Variants in ITPKB observed in about 807,000 individuals in gnomAD.
ITPKB encodes IP3 3-kinase B.
Under a neutral mutation model 69.4 loss-of-function variants are expected in ITPKB, and 13 were observed. That is an observed-to-expected ratio of 0.19 (90% CI 0.12 to 0.30). The LOEUF is 0.30. Among genes scored for constraint, ITPKB ranks in the 10% least tolerant of loss-of-function variants. The pLI, the probability that ITPKB is intolerant of heterozygous loss-of-function variation, is 1.00. For synonymous variants in ITPKB, 584 were observed against 513.7 expected, an observed-to-expected ratio of 1.14 and a Z score of -1.85; for missense variants, 1,240 against 1,250.5, an observed-to-expected ratio of 0.99 and a Z score of 0.13.
chr1:226,677,083 T>C (rs565407359), intron 2 of ITPKB, among the ~76,000 whole-genome samples: 17 of 152,326 alleles, frequency 1.1e-4, no homozygotes, highest in South Asian at 4.1e-4. Context: ...CTGGAGCAAT[T>C]TGAAACGCCG....
chr1:226,653,189 G>C (rs1289308858), intron 2 of ITPKB, among the ~76,000 whole-genome samples: 1 of 152,180 alleles, frequency 6.6e-6, no homozygotes, highest in African/African-American at 2.4e-5. Context: ...GGCTCAGCAA[G>C]TTACTTCTCC....
intron 2 of ITPKB, among the ~76,000 whole-genome samples, chr1:226,731,814 C>T (rs1199229671): frequency 6.6e-6 from 1 of 152,086 alleles, no homozygotes; most frequent in Non-Finnish European, 1.5e-5. Context: ...GAAGGGTACC[C>T]CATCTTCAGA....
chr1:226,649,440 TGC>T (rs779885641), intron 2 of ITPKB, among the ~76,000 whole-genome samples: 7 of 134,922 alleles, frequency 5.2e-5, no homozygotes, highest in Non-Finnish European at 9.6e-5. Flanking sequence ...TGCGTATGTG[TGC>T]GTGTGTGTGC....
intron 2 of ITPKB, among the ~76,000 whole-genome samples, chr1:226,709,510 T>G (rs550493401): frequency 1.3e-4 from 20 of 152,262 alleles, no homozygotes; most frequent in Admixed American, 4.6e-4. Context: ...GTCACTGCGG[T>G]CCTGGGACAC....
Position 226,641,328 on chromosome 1 carries a change from C to A in ITPKB, c.2451+593G>T, listed in dbSNP as rs1668957159. Among the ~76,000 whole-genome samples the A allele has an allele frequency of 2.0e-5, 3 of 152,156 alleles. No individual in the cohort carries two copies. Among genetic ancestry groups the A allele is most frequent in the South Asian group, 4.2e-4 (2 of 4,810 alleles). The stretch of plus-strand genomic sequence containing the variant: ...AAAGGGATAGAAGGGAAAGAGCCAT[C>A]ATTTTGTAAACCACAAACACAAAGT... On this transcript the variant is annotated intron_variant, in intron 5 of 7. Coordinates refer to ENST00000429204, the MANE Select transcript of ITPKB (RefSeq NM_002221.4). The surrounding 1 kb of genome is among the most constrained non-coding windows in gnomAD (Gnocchi z 4.6).
intron 5 of ITPKB, among the ~76,000 whole-genome samples, chr1:226,640,490 C>T (rs1299282541): frequency 6.6e-6 from 1 of 152,124 alleles, no homozygotes; most frequent in Non-Finnish European, 1.5e-5. Context: ...GGGCTGTGGG[C>T]AGTGCACCCC....
intron 2 of ITPKB, among the ~76,000 whole-genome samples, chr1:226,721,479 A>G (rs1657241832): frequency 6.6e-6 from 1 of 151,650 alleles, no homozygotes; most frequent in Admixed American, 6.6e-5. Flanking sequence ...ACATCTGGTC[A>G]TGGGGTCATA....
At chr1:226,732,156 A>C (rs566507828) in intron 2 of ITPKB, among the ~76,000 whole-genome samples, 1 of 151,836 alleles carries the variant, frequency 6.6e-6, no homozygotes, top group South Asian at 2.1e-4. Context: ...CCTTTAAAAA[A>C]CAGTAAGCAC....
At chr1:226,636,937 T>C (rs1185125686) in intron 7 of ITPKB, among the ~76,000 whole-genome samples, 3 of 152,102 alleles carry the variant, frequency 2.0e-5, no homozygotes, top group African/African-American at 2.4e-5. Flanking sequence ...ATGTGATTGA[T>C]CTGCATGTGT....
intron 2 of ITPKB, among the ~76,000 whole-genome samples, chr1:226,716,021 G>GGCT (rs1657086344): frequency 6.6e-6 from 1 of 152,174 alleles, no homozygotes; most frequent in Admixed American, 6.5e-5. Context: ...AAGTTGGCCA[G>GGCT]GCTGGTCTCA....
rs556739001 is a variant in ITPKB, at chr1:226,714,982, G to A, written c.1932+20545C>T. On this transcript the variant is annotated intron_variant, in intron 2 of 7. Transcript: ENST00000429204. ...ACTGCTAAACATCCTACAGTACACA[G>A]AGCAGCCCCACACAACTGAAAAGTA... Among the ~76,000 whole-genome samples the A allele has an allele frequency of 5.3e-5, 8 of 152,362 alleles. No individual in the cohort carries two copies. In the South Asian group the frequency reaches 1.7e-3, roughly 32 times the overall value.
At position 226,634,628 on chromosome 1, in the gene ITPKB, A is replaced by G; in HGVS notation, c.*43T>C. 1.3e-6 allele frequency: 1 copy of G among 752,814 alleles called. No homozygotes were observed. The highest frequency in any genetic ancestry group is 2.5e-6 in the Non-Finnish European group (1 of 401,032). The allele number at this position is 752,814 out of a possible 1,614,324, so 46.6% of individuals were successfully genotyped here. Reference sequence around the variant, plus strand: ...GGAACGAGAAAGGAAGCACAGGAGGAGGAAAGGAGGCCCAGGCGGGGGCCA... The same window carrying G: ...GGAACGAGAAAGGAAGCACAGGAGGGGGAAAGGAGGCCCAGGCGGGGGCCA... On this transcript the variant is annotated 3_prime_UTR_variant, in exon 8 of 8. Transcript: ENST00000429204. This position sits in a 1 kb window ranked among gnomAD's most constrained non-coding sequence, Gnocchi z 6.3.
chr1:226,664,895 G>T (rs1669468265), intron 2 of ITPKB, among the ~76,000 whole-genome samples: 1 of 152,180 alleles, frequency 6.6e-6, no homozygotes. Context: ...GAAGCTCCTA[G>T]AACTGTTTCC....
chr1:226,639,593 G>A lies in ITPKB; in HGVS notation c.2517C>T (p.Ala839=). Residue 839 remains alanine, a synonymous_variant, in exon 6 of 8, where the codon GCC becomes GCT. Coordinates refer to ENST00000429204, the MANE Select transcript of ITPKB (RefSeq NM_002221.4). The part of the protein sequence containing the change: ...KTKTREQVTE[A]FREFTKGNHN... ...GGTTTCCTTTAGTGAACTCTCTGAA[G>A]GCCTCGGTGACCTGCTCCCTCGTTT... 5.6e-6 allele frequency: 9 copies of A among 1,613,672 alleles called. No individual in the cohort carries two copies. The highest frequency in any genetic ancestry group is 1.6e-4 in the Middle Eastern group (1 of 6,062).
intron 7 of ITPKB, among the ~76,000 whole-genome samples, chr1:226,635,236 T>C (rs1011342088): frequency 1.3e-5 from 2 of 152,118 alleles, no homozygotes; most frequent in Admixed American, 6.5e-5. Context: ...CCTTCCTTCC[T>C]TCCAGACAGG....
chr1:226,736,676 G>A lies in ITPKB; in HGVS notation c.783C>T (p.Ile261=), dbSNP rs908968225. ...PSAFVRMEKG[I]PASPRCGSPT... ...GTGAGCCACAGCGGGGACTGGCAGG[G>A]ATACCCTTCTCCATCCTTACAAAAG... Residue 261 remains isoleucine (I), a synonymous_variant, in exon 2 of 8, where the codon ATC becomes ATT. Transcript: ENST00000429204. 2.5e-6 allele frequency: 4 copies of A among 1,613,112 alleles called. No individual in the cohort carries two copies. In the African/African-American group the frequency reaches 4.0e-5, roughly 16 times the overall value.
Position 226,735,947 on chromosome 1 carries a change from C to T in ITPKB, c.1512G>A (p.Gly504=), listed in dbSNP as rs1183325454. The change falls in exon 2 of 8, where the codon GGG becomes GGA. Residue 504 remains glycine (G), a synonymous_variant. Coordinates refer to ENST00000429204, the MANE Select transcript of ITPKB (RefSeq NM_002221.4). ...PPGDRVGVQP[G]NSRVWQGTME... is the part of the protein sequence containing the mutation. ...TGGTGCCCTGCCAAACCCTGGAGTT[C>T]CCAGGCTGCACACCCACCCTGTCCC... 3.1e-6 allele frequency: 5 copies of T among 1,613,916 alleles called. No homozygotes were observed. In the African/African-American group the frequency reaches 6.7e-5, roughly 22 times the overall value.
intron 2 of ITPKB, among the ~76,000 whole-genome samples, chr1:226,689,573 G>GTT (rs1656298788): frequency 2.4e-5 from 2 of 82,744 alleles, no homozygotes; most frequent in Non-Finnish European, 4.8e-5. Flanking sequence ...TTTTATTTGT[G>GTT]TGTGTGTGTG....
At chr1:226,682,276 G>A (rs538657582) in intron 2 of ITPKB, among the ~76,000 whole-genome samples, 1 of 152,248 alleles carries the variant, frequency 6.6e-6, no homozygotes, top group East Asian at 1.9e-4. Context: ...AAGAACCACT[G>A]GACACCATTG....
Sources: gnomAD v4.1 joint callset for allele counts (sites outside exome capture counted in the v4.1 genomes callset) on GRCh38, gnomAD v4.1.1 for gene constraint, Gnocchi (gnomAD v3.1) non-coding constraint, MANE v1.5 for transcripts, NCBI Gene and HGNC (gene_info 2026-07-23, HGNC 2026-07-21) for gene names.